Variants in TRHDE observed in about 807,000 individuals in gnomAD.
TRHDE encodes the protein thyrotropin-releasing hormone-degrading ectoenzyme.
A neutral mutation model predicts 125.7 loss-of-function variants in TRHDE; 72 were observed. That is an observed-to-expected ratio of 0.57 (90% CI 0.47 to 0.70). The LOEUF is 0.70. TRHDE is among the 30% of genes least tolerant of loss of function. The probability of loss-of-function intolerance (pLI) is 0.00; values close to 1 mark genes in which losing one functional copy is unlikely to be tolerated. For synonymous variants in TRHDE, 509 were observed against 509.1 expected, an observed-to-expected ratio of 1.00 and a Z score of 0.00; for missense variants, 1,110 against 1,327.1, an observed-to-expected ratio of 0.84 and a Z score of 2.54.
intron 1 of TRHDE, among the ~76,000 whole-genome samples, chr12:72,088,995 A>C (rs1462857969): frequency 6.6e-6 from 1 of 152,140 alleles, no homozygotes; most frequent in Non-Finnish European, 1.5e-5. Flanking sequence ...AGATATCTCC[A>C]AATCAATATG....
intron 2 of TRHDE, among the ~76,000 whole-genome samples, chr12:72,112,087 G>A (rs758393843): frequency 3.9e-5 from 6 of 152,090 alleles, no homozygotes; most frequent in African/African-American, 7.2e-5. Flanking sequence ...AAAAAGATTC[G>A]CTCATTATCT....
intron 6 of TRHDE, among the ~76,000 whole-genome samples, chr12:72,510,646 C>A (rs1252943092): frequency 2.0e-5 from 3 of 152,014 alleles, no homozygotes; most frequent in African/African-American, 7.2e-5. Context: ...TTTGGGTTTT[C>A]ATTCCATGAA....
intron 2 of TRHDE, among the ~76,000 whole-genome samples, chr12:72,337,980 C>T (rs1869904906): frequency 7.1e-6 from 1 of 140,740 alleles, no homozygotes; most frequent in African/African-American, 2.5e-5. Context: ...AGGAAATCTT[C>T]AAGCAGAACT....
intron 2 of TRHDE, among the ~76,000 whole-genome samples, chr12:72,362,854 G>A (rs548802972): frequency 5.3e-5 from 8 of 152,134 alleles, no homozygotes; most frequent in African/African-American, 1.9e-4. Context: ...TCGCAGGTTT[G>A]TTCAAAGATC....
At chr12:72,407,764 G>A (rs1341221314) in intron 3 of TRHDE, among the ~76,000 whole-genome samples, 2 of 152,172 alleles carry the variant, frequency 1.3e-5, no homozygotes, top group East Asian at 1.9e-4. Context: ...CAAACACAGG[G>A]CGCACTCTAG....
chr12:72,307,777 T>C (rs1169633252), intron 2 of TRHDE, among the ~76,000 whole-genome samples: 2 of 152,200 alleles, frequency 1.3e-5, no homozygotes, highest in Non-Finnish European at 2.9e-5. Context: ...AAAGAACAGC[T>C]CTGAATCAGC....
At chr12:72,564,592 T>C (rs1369215805) in intron 9 of TRHDE, among the ~76,000 whole-genome samples, 1 of 150,186 alleles carries the variant, frequency 6.7e-6, no homozygotes, top group Admixed American at 6.7e-5. Flanking sequence ...TGTATAAGCA[T>C]ATGTAACATC....
At chr12:72,166,182 C>G (rs1210056782) in intron 2 of TRHDE, among the ~76,000 whole-genome samples, 1 of 151,972 alleles carries the variant, frequency 6.6e-6, no homozygotes, top group Non-Finnish European at 1.5e-5. Flanking sequence ...CTAAAGATAT[C>G]TAAACATAGA....
At chr12:72,529,497 C>T (rs1315439109) in intron 6 of TRHDE, among the ~76,000 whole-genome samples, 2 of 152,042 alleles carry the variant, frequency 1.3e-5, no homozygotes, top group African/African-American at 4.8e-5. Context: ...ATACTCAGAC[C>T]TCTATTTTAT....
intron 12 of TRHDE, among the ~76,000 whole-genome samples, chr12:72,593,003 G>A (rs975590651): frequency 5.9e-5 from 9 of 152,266 alleles, no homozygotes; most frequent in Non-Finnish European, 1.2e-4. Flanking sequence ...GTGAGCCACC[G>A]CGCCCCGCTG....
At chr12:72,158,400 ATACT>A (rs1160048023) in intron 2 of TRHDE, among the ~76,000 whole-genome samples, 2 of 151,620 alleles carry the variant, frequency 1.3e-5, no homozygotes, top group Admixed American at 6.6e-5. Flanking sequence ...TCTTTCATAC[ATACT>A]TATATATGTA....
At chr12:72,443,804 G>A (rs962178175) in intron 3 of TRHDE, among the ~76,000 whole-genome samples, 1 of 151,760 alleles carries the variant, frequency 6.6e-6, no homozygotes, top group Admixed American at 6.6e-5. Context: ...TATAGAAAGA[G>A]CGTGGATTCC....
chr12:72,311,600 T>C (rs1457703123), intron 2 of TRHDE, among the ~76,000 whole-genome samples: 1 of 152,188 alleles, frequency 6.6e-6, no homozygotes, highest in Non-Finnish European at 1.5e-5. Flanking sequence ...GGATACTAAC[T>C]AAATAGCTTT....
chr12:72,475,114 GA>G (rs1876830100), intron 5 of TRHDE, among the ~76,000 whole-genome samples: 1 of 151,936 alleles, frequency 6.6e-6, no homozygotes, highest in Admixed American at 6.6e-5. Context: ...TGACACTGAA[GA>G]AAAATCAGCA....
chr12:72,319,441 C>G (rs1868972345), intron 2 of TRHDE, among the ~76,000 whole-genome samples: 1 of 152,194 alleles, frequency 6.6e-6, no homozygotes, highest in African/African-American at 2.4e-5. Context: ...AAGAACTTGT[C>G]AGAGATTTTT....
At chr12:72,315,214 C>A (rs1056888672) in intron 2 of TRHDE, among the ~76,000 whole-genome samples, 5 of 152,130 alleles carry the variant, frequency 3.3e-5, no homozygotes, top group African/African-American at 1.2e-4. Flanking sequence ...AAACCCTTTG[C>A]ATAATTTAGG....
intron 15 of TRHDE, among the ~76,000 whole-genome samples, chr12:72,627,942 C>G (rs1388839173): frequency 6.6e-6 from 1 of 151,654 alleles, no homozygotes; most frequent in East Asian, 1.9e-4. Context: ...CTTAGTCTGT[C>G]AAAGTGCTGG....
intron 2 of TRHDE, among the ~76,000 whole-genome samples, chr12:72,304,011 T>G (rs1304961980): frequency 6.6e-6 from 1 of 152,114 alleles, no homozygotes; most frequent in African/African-American, 2.4e-5. Context: ...TTATCCTTAT[T>G]TTATAGATGA....
chr12:72,468,792 G>A (rs1444000736), intron 3 of TRHDE, among the ~76,000 whole-genome samples: 1 of 152,252 alleles, frequency 6.6e-6, no homozygotes, highest in African/African-American at 2.4e-5. Context: ...CCAGTGCCCA[G>A]CAGGCCTGTT....
Sources: allele counts gnomAD v4.1 joint callset (sites outside exome capture counted in the v4.1 genomes callset), GRCh38; gene constraint gnomAD v4.1.1; transcripts MANE v1.5; gene names NCBI Gene and HGNC (gene_info 2026-07-23, HGNC 2026-07-21).